MAK: variants seen among roughly 807,000 people sequenced by gnomAD.
MAK encodes the protein serine/threonine-protein kinase MAK.
A neutral mutation model predicts 82.6 loss-of-function variants in MAK; 65 were observed. The ratio of observed to expected loss-of-function variants is 0.79; its 90% CI spans 0.64 to 0.97. MAK has a LOEUF of 0.97. MAK is among the 50% of genes least tolerant of loss of function. MAK has a pLI of 0.00. For synonymous variants in MAK, 250 were observed against 274.2 expected, an observed-to-expected ratio of 0.91 and a Z score of 0.87; for missense variants, 703 against 780.2, an observed-to-expected ratio of 0.90 and a Z score of 1.18.
At chr6:10,815,150 A>C (rs1163641086) in intron 4 of MAK, among the ~76,000 whole-genome samples, 1 of 148,528 alleles carries the variant, frequency 6.7e-6, no homozygotes, top group African/African-American at 2.6e-5. Flanking sequence ...ATTTTTAACA[A>C]TATATTTAAT....
At chr6:10,775,539 A>C in intron 11 of MAK, 80 bp from the exon 12 acceptor site, 1 of 1,441,122 alleles carries the variant, frequency 6.9e-7, no homozygotes, top group Non-Finnish European at 9.7e-7. Context: ...CATTCAAACA[A>C]AGACTAGAGA....
intron 4 of MAK, among the ~76,000 whole-genome samples, chr6:10,815,866 T>C (rs1777428755): frequency 2.0e-5 from 3 of 147,918 alleles, no homozygotes; most frequent in Admixed American, 6.8e-5. Flanking sequence ...AGGACTTCAA[T>C]AGCCACATCT....
rs1776037603 is a variant in MAK, at chr6:10,801,836, C to T, written c.831+56G>A. ...ACCTGCCTTTGTAAATGAAAACATC[C>T]CTGATATTACAAAACCTAAACATTT... On this transcript the variant is annotated intron_variant, in intron 8 of 14. Coordinates refer to ENST00000354489, the MANE Select transcript of MAK (RefSeq NM_001242957.3). 5 of 1,536,990 alleles carry T rather than the reference C, an allele frequency of 3.3e-6. No individual in the cohort carries two copies. The Admixed American group carries it at 6.7e-5, about 21-fold the overall frequency.
intron 5 of MAK, among the ~76,000 whole-genome samples, chr6:10,812,195 G>C (rs950202315): frequency 2.0e-5 from 3 of 152,228 alleles, no homozygotes; most frequent in Middle Eastern, 3.4e-3. Flanking sequence ...GTGAGATCCT[G>C]TCTCAAATAA....
intron 1 of MAK, among the ~76,000 whole-genome samples, chr6:10,832,076 C>A (rs1046602432): frequency 6.6e-6 from 1 of 152,172 alleles, no homozygotes; most frequent in African/African-American, 2.4e-5. Context: ...ATCACTCCCC[C>A]AGTAGCTGGG....
At chr6:10,825,876 C>T (rs185451271) in intron 2 of MAK, among the ~76,000 whole-genome samples, 1 of 152,182 alleles carries the variant, frequency 6.6e-6, no homozygotes, top group Non-Finnish European at 1.5e-5. Context: ...AACATGACTG[C>T]ACTGACCTTC....
At chr6:10,784,006 G>A (rs144204602) in intron 11 of MAK, among the ~76,000 whole-genome samples, 39 of 152,052 alleles carry the variant, frequency 2.6e-4, no homozygotes, top group East Asian at 9.7e-4. Context: ...GCGACAGAGC[G>A]AGAATCTGTC....
intron 7 of MAK, among the ~76,000 whole-genome samples, chr6:10,803,317 C>T (rs112045332): frequency 0.019 from 2,838 of 151,930 alleles, 37 homozygotes; most frequent in Middle Eastern, 0.031. Flanking sequence ...GTGGGCAGAT[C>T]GCAGATCGCT....
intron 11 of MAK, among the ~76,000 whole-genome samples, chr6:10,777,219 C>A (rs1773536054): frequency 6.6e-6 from 1 of 151,940 alleles, no homozygotes; most frequent in South Asian, 2.1e-4. Context: ...CAAGCCTGGC[C>A]AACATGGTGA....
chr6:10,801,809 A>G, intron 8 of MAK, 83 bp downstream of exon 8: 1 of 1,321,212 alleles, frequency 7.6e-7, no homozygotes, highest in Non-Finnish European at 1.1e-6. Context: ...GGTTGAGAAT[A>G]GACCTGCCTT....
rs530738750 is a variant in MAK at position 10,802,037 on chromosome 6, T to A, written c.686A>T (p.Gln229Leu). Residue 229 changes from glutamine (Q) to leucine (L), a missense_variant, in exon 8 of 15, where the codon CAG becomes CTG. By Grantham distance (113) the Gln-to-Leu change is moderately radical (BLOSUM62 -2). Transcript: ENST00000354489. ...ACGGAAGTTCATAGAGGATGCCAGC[T>A]GGTATCCTTCTGGCCAGTCACTCTG... ...PKKSDWPEGY[Q>L]LASSMNFRFP... The A allele has an allele frequency of 6.2e-7, 1 of 1,614,154 alleles. No individual in the cohort carries two copies.
At chr6:10,825,776 T>C (rs1778316832) in intron 2 of MAK, among the ~76,000 whole-genome samples, 1 of 152,170 alleles carries the variant, frequency 6.6e-6, no homozygotes, top group Non-Finnish European at 1.5e-5. Context: ...CCAGTTTCTA[T>C]AGAGCCTGCT....
chr6:10,821,870 G>A (rs1030291916), intron 2 of MAK, among the ~76,000 whole-genome samples: 7 of 151,240 alleles, frequency 4.6e-5, no homozygotes, highest in African/African-American at 1.5e-4. Context: ...ATCTGAGGCC[G>A]GGCACGGTGG....
intron 10 of MAK, among the ~76,000 whole-genome samples, chr6:10,788,506 T>C (rs796454748): frequency 1.5e-4 from 23 of 152,164 alleles, no homozygotes; most frequent in African/African-American, 5.5e-4. Flanking sequence ...CCGAGGCAGG[T>C]GGATCACCTG....
chr6:10,775,827 C>T (rs561473969), intron 11 of MAK, among the ~76,000 whole-genome samples: 2 of 152,262 alleles, frequency 1.3e-5, no homozygotes, highest in East Asian at 1.9e-4. Flanking sequence ...CTCTCTCTGT[C>T]GTCCAGGCTG....
intron 8 of MAK, among the ~76,000 whole-genome samples, chr6:10,797,088 C>T (rs1775629301): frequency 6.6e-6 from 1 of 152,010 alleles, no homozygotes; most frequent in South Asian, 2.1e-4. Flanking sequence ...TTCCGGGTTA[C>T]TCTCAGCCTG....
chr6:10,781,691 T>C (rs185694061), intron 11 of MAK, among the ~76,000 whole-genome samples: 2 of 152,278 alleles, frequency 1.3e-5, no homozygotes, highest in Admixed American at 1.3e-4. Context: ...CCCAAAGTGC[T>C]GGGATTACAG....
chr6:10,835,764 T>C (rs576257452), intron 1 of MAK, among the ~76,000 whole-genome samples: 1 of 152,262 alleles, frequency 6.6e-6, no homozygotes, highest in Admixed American at 6.5e-5. Flanking sequence ...ATGGTAATGA[T>C]GGTAGCGAGT....
chr6:10,813,793 T>C (rs1581739641), intron 4 of MAK, 70 bp from the exon 5 acceptor site: 4 of 852,198 alleles, frequency 4.7e-6, no homozygotes, highest in Middle Eastern at 2.2e-4. Context: ...AGGTTTATAT[T>C]CCCCCTGCCT....
Sources: allele counts gnomAD v4.1 joint callset (sites outside exome capture counted in the v4.1 genomes callset), GRCh38; gene constraint gnomAD v4.1.1; transcripts MANE v1.5; gene names NCBI Gene and HGNC (gene_info 2026-07-23, HGNC 2026-07-21).